The following FASTKD1 variants were observed in gnomAD, a reference collection of about 807,000 sequenced individuals.
The protein encoded by FASTKD1 is FAST kinase domains 1.
FASTKD1 carries 94 observed loss-of-function variants against 90.9 expected under a neutral mutation model. The observed-to-expected ratio is 1.03, with a 90% CI of 0.88 to 1.23. FASTKD1 has a LOEUF of 1.23. Among genes scored for constraint, FASTKD1 ranks in the 50% most tolerant of loss-of-function variants. The pLI is 0.00. For synonymous variants in FASTKD1, 319 were observed against 345.8 expected, an observed-to-expected ratio of 0.92 and a Z score of 0.86; for missense variants, 945 against 993.5, an observed-to-expected ratio of 0.95 and a Z score of 0.66.
chr2:169,535,475 A>G (rs201988381), intron 12 of FASTKD1, among the ~76,000 whole-genome samples: 6 of 63,850 alleles, frequency 9.4e-5, no homozygotes, highest in South Asian at 5.2e-4. Context: ...TTATTTGTTT[A>G]TTTATTTATT....
Position 169,544,739 on chromosome 2 carries a change from G to C in FASTKD1, c.1798C>G (p.His600Asp), listed in dbSNP as rs148920574. ...RDEFLGTCVQ[H>D]LNSYLGILDP... is the part of the protein sequence containing the mutation. ...TACCTACCTAAGTAAGAATTAAGAT[G>C]TTGCACGCAAGTTCCCAAAAATTCA... Residue 600 changes from histidine to aspartate, a missense_variant, in exon 9 of 15, where the codon CAT (histidine) becomes GAT (aspartate). Physicochemically the swap from His to Asp is moderately conservative, Grantham distance 81. Coordinates refer to ENST00000453153, the MANE Select transcript of FASTKD1 (RefSeq NM_024622.6). 3.6e-4 allele frequency: 579 copies of C among 1,595,546 alleles called. 2 individuals are homozygous for C. In the African/African-American group the frequency reaches 7.0e-3, roughly 19 times the overall value.
chr2:169,562,307 A>G (rs1489548367), intron 4 of FASTKD1, among the ~76,000 whole-genome samples: 1 of 151,578 alleles, frequency 6.6e-6, no homozygotes, highest in African/African-American at 2.4e-5. Flanking sequence ...ATCTCAGGTC[A>G]CTGCAACCTC....
rs1241093205 is a variant in FASTKD1, at chr2:169,531,508, A to G, written c.2189-18T>C. 1.3e-6 allele frequency: 2 copies of G among 1,584,640 alleles called. No individual in the cohort carries two copies. The highest frequency in any genetic ancestry group is 1.7e-6 in the Non-Finnish European group (2 of 1,167,718). ...CTCAAAATCTTAAGGAAGCATAGAAACTGGTAGTATGAATTAGGTAAAGTC... is the reference window on the plus strand; with the variant it reads ...CTCAAAATCTTAAGGAAGCATAGAAGCTGGTAGTATGAATTAGGTAAAGTC... On this transcript the variant is annotated intron_variant, in intron 12 of 14. Coordinates refer to ENST00000453153, the MANE Select transcript of FASTKD1 (RefSeq NM_024622.6).
chr2:169,531,106 T>C (rs929395227), intron 13 of FASTKD1: 2 of 728,396 alleles, frequency 2.7e-6, no homozygotes, highest in Middle Eastern at 2.3e-4. Context: ...CAAAAGAAGA[T>C]ACTATTTTAC....
At chr2:169,570,867 G>C (rs1399002517) in intron 2 of FASTKD1, 1 of 151,952 alleles carries the variant, frequency 6.6e-6, no homozygotes, top group African/African-American at 2.4e-5. Flanking sequence ...GTAGAGGCAG[G>C]GTTTCACCAT....
At chr2:169,561,023 G>A (rs1428862437) in intron 4 of FASTKD1, among the ~76,000 whole-genome samples, 3 of 150,714 alleles carry the variant, frequency 2.0e-5, no homozygotes, top group African/African-American at 7.3e-5. Context: ...AAGGGGCTGG[G>A]CATGGTGGCT....
chr2:169,540,592 A>G (rs549409245), intron 9 of FASTKD1, among the ~76,000 whole-genome samples: 1 of 152,358 alleles, frequency 6.6e-6, no homozygotes, highest in South Asian at 2.1e-4. Context: ...TGATAATAAT[A>G]CAATAGTGTT....
chr2:169,566,113 C>G (rs1258202169), intron 3 of FASTKD1, among the ~76,000 whole-genome samples: 3 of 152,028 alleles, frequency 2.0e-5, no homozygotes, highest in African/African-American at 7.3e-5. Context: ...CCAATATTTT[C>G]TACCCTTCTG....
intron 5 of FASTKD1, among the ~76,000 whole-genome samples, chr2:169,559,697 C>T (rs537038299): frequency 1.4e-3 from 212 of 152,358 alleles, no homozygotes; most frequent in African/African-American, 4.9e-3. Context: ...GGATTAAAGG[C>T]GTGCAACGCC....
intron 8 of FASTKD1, among the ~76,000 whole-genome samples, 160 bp downstream of exon 8, chr2:169,546,058 A>G (rs1250058463): frequency 6.6e-6 from 1 of 152,150 alleles, no homozygotes; most frequent in Non-Finnish European, 1.5e-5. Flanking sequence ...CAGCCTCCCA[A>G]CCGCTGGAAT....
intron 6 of FASTKD1, 109 bp downstream of exon 6, chr2:169,557,078 T>G (rs1230505105): frequency 1.1e-5 from 8 of 733,582 alleles, no homozygotes; most frequent in Non-Finnish European, 1.4e-5. Flanking sequence ...TAATTCCTTA[T>G]TTCTTCAAAA....
At position 169,529,027 on chromosome 2, in the gene FASTKD1, T is replaced by C. The variant is rs1246912057; in HGVS notation, c.*798A>G. Among the ~76,000 whole-genome samples, 1 of 152,162 alleles carries C rather than the reference T, an allele frequency of 6.6e-6. No individual in the cohort carries two copies. The highest frequency in any genetic ancestry group is 6.6e-5 in the Admixed American group (1 of 15,264). On this transcript the variant is annotated 3_prime_UTR_variant, in exon 15 of 15. Transcript: ENST00000453153. Reference sequence around the variant, plus strand: ...TTTTAAGCGATTTCATCTACTCTCATGGCATTGAATACTGCTGACATTTAT... The same window carrying C: ...TTTTAAGCGATTTCATCTACTCTCACGGCATTGAATACTGCTGACATTTAT...
At chr2:169,566,879 G>A (rs1345082589) in intron 3 of FASTKD1, among the ~76,000 whole-genome samples, 2 of 152,196 alleles carry the variant, frequency 1.3e-5, no homozygotes, top group African/African-American at 4.8e-5. Context: ...CACTTTGGGA[G>A]GCCAAGGTGG....
Position 169,544,716 on chromosome 2 carries a change from C to A in FASTKD1, c.1816+5G>T. 6.6e-7 allele frequency: 1 copy of A among 1,508,012 alleles called. No homozygotes were observed. Among genetic ancestry groups the A allele is most frequent in the Non-Finnish European group, 9.2e-7 (1 of 1,084,750 alleles). The allele number at this position is 1,508,012 out of a possible 1,614,324, so 93.4% of individuals were successfully genotyped here. A position where few individuals can be genotyped will look rare whatever the true frequency, so the allele number is the denominator to read the frequency against. On this transcript the variant is annotated splice_donor_5th_base_variant and intron_variant, in intron 9 of 14. Transcript: ENST00000453153. ...ACTCAATGTATTACCAAACAATATA[C>A]CTACCTAAGTAAGAATTAAGATGTT...
chr2:169,532,442 A>G (rs534023999), intron 12 of FASTKD1, among the ~76,000 whole-genome samples: 1 of 151,670 alleles, frequency 6.6e-6, no homozygotes, highest in African/African-American at 2.4e-5. Flanking sequence ...GAAAAAGACA[A>G]CCAGCCTTGT....
At position 169,560,839 on chromosome 2, in the gene FASTKD1, CTTTTTTTTTTT is replaced by C. The variant is rs1204635514; in HGVS notation, c.573-65_573-55del. ...TTACATCAATTAAGAATGATCAATT[CTTTTTTTTTTT>C]TTTTTTTTTTTTTGTAGAAACAGAG... On this transcript the variant is annotated intron_variant, in intron 4 of 14. Coordinates refer to ENST00000453153, the MANE Select transcript of FASTKD1 (RefSeq NM_024622.6). The C allele has an allele frequency of 2.3e-4, 58 of 249,086 alleles. 1 individual carries two copies. In the African/African-American group the frequency reaches 2.3e-3, roughly 10 times the overall value. 15.4% of individuals were successfully genotyped at this position (249,086 alleles called of 1,614,324 possible). A position where few individuals can be genotyped will look rare whatever the true frequency, so the allele number is the denominator to read the frequency against.
chr2:169,538,057 T>C lies in FASTKD1; in HGVS notation c.2030A>G (p.Gln677Arg). Residue 677 changes from glutamine (Q) to arginine (R), a missense_variant, in exon 11 of 15, where the codon CAG becomes CGG. By Grantham distance (43) the Gln-to-Arg change is conservative. Transcript: ENST00000453153. ...RSVCLECPEFQIPWFHDRFCQ... is the reference protein window; with the variant it reads ...RSVCLECPEFRIPWFHDRFCQ... ...GAAGCGGTCATGAAACCATGGAATC[T>C]GAAACTCAGGGCATTCCAAGCAGAC... 1 of 1,611,920 alleles carries C rather than the reference T, an allele frequency of 6.2e-7. No individual in the cohort carries two copies. The highest frequency in any genetic ancestry group is 2.2e-5 in the East Asian group (1 of 44,726).
At chr2:169,536,726 A>G (rs953339849) in intron 12 of FASTKD1, among the ~76,000 whole-genome samples, 2 of 152,214 alleles carry the variant, frequency 1.3e-5, no homozygotes, top group African/African-American at 2.4e-5. Context: ...GTGATCCACA[A>G]TTCAATCAGA....
chr2:169,554,031 T>A (rs1685620267), intron 7 of FASTKD1, among the ~76,000 whole-genome samples: 1 of 149,284 alleles, frequency 6.7e-6, no homozygotes, highest in African/African-American at 2.5e-5. Flanking sequence ...CTTGAGCCCG[T>A]GAGTTTGAAG....
Sources: allele counts gnomAD v4.1 joint callset (sites outside exome capture counted in the v4.1 genomes callset), GRCh38; gene constraint gnomAD v4.1.1; transcripts MANE v1.5; gene names NCBI Gene and HGNC (gene_info 2026-07-23, HGNC 2026-07-21).